Variants in THAP4 observed in about 807,000 individuals in gnomAD.
The protein encoded by THAP4 is THAP domain containing 4.
THAP4 carries 18 observed loss-of-function variants against 48.1 expected under a neutral mutation model. The ratio of observed to expected loss-of-function variants is 0.37; its 90% CI spans 0.26 to 0.56. The LOEUF is 0.56. Ranked by LOEUF, THAP4 falls within the 20% of genes least tolerant of loss-of-function variation. The probability of loss-of-function intolerance (pLI) is 0.78; values close to 1 mark genes in which losing one functional copy is unlikely to be tolerated. For missense variants in THAP4, 656 were observed against 774.9 expected, an observed-to-expected ratio of 0.85 and a Z score of 1.82; for synonymous variants, 345 against 324.9, an observed-to-expected ratio of 1.06 and a Z score of -0.66.
chr2:241,637,529 C>A (rs974584783), upstream of THAP4: 4 of 1,443,310 alleles, frequency 2.8e-6, no homozygotes, highest in African/African-American at 4.5e-5. Flanking sequence ...CAGGGCGCCC[C>A]GGGGCTCGCG....
intron 5 of THAP4, among the ~76,000 whole-genome samples, chr2:241,599,586 A>C (rs1483591068): frequency 6.6e-6 from 1 of 152,230 alleles, no homozygotes; most frequent in East Asian, 1.9e-4. Context: ...TATAATTAAA[A>C]CTATAAAGAA....
chr2:241,634,190 C>T (rs2067608142), intron 1 of THAP4, 111 bp from the exon 2 acceptor site: 1 of 725,008 alleles, frequency 1.4e-6, no homozygotes, highest in South Asian at 2.0e-5. Flanking sequence ...GCCGTATTGA[C>T]TTCATCCACT....
chr2:241,634,992 G>C (rs939656193), intron 1 of THAP4, among the ~76,000 whole-genome samples: 4 of 152,250 alleles, frequency 2.6e-5, no homozygotes, highest in African/African-American at 9.6e-5. Flanking sequence ...CTAGGGAGAG[G>C]AGGACTGGGG....
At chr2:241,604,540 T>G (rs1165807159) in intron 3 of THAP4, among the ~76,000 whole-genome samples, 5 of 151,510 alleles carry the variant, frequency 3.3e-5, no homozygotes, top group Admixed American at 3.3e-4. Context: ...TGTGAGCCAC[T>G]GTGCCCAGCC....
intron 1 of THAP4, among the ~76,000 whole-genome samples, chr2:241,635,080 C>A (rs1357146854): frequency 6.6e-6 from 1 of 152,196 alleles, no homozygotes; most frequent in African/African-American, 2.4e-5. Context: ...GTGACAGCTG[C>A]ACAACAACGT....
rs1230149868 is a variant in THAP4 at position 241,601,052 on chromosome 2, G to A, written c.1614+844C>T. Among the ~76,000 whole-genome samples, 1 of 152,128 alleles carries A rather than the reference G, an allele frequency of 6.6e-6. No homozygotes were observed. The highest frequency in any genetic ancestry group is 1.9e-4 in the East Asian group (1 of 5,204). On this transcript the variant is annotated intron_variant, in intron 5 of 5. Transcript: ENST00000407315. The surrounding 1 kb of genome is among the most constrained non-coding windows in gnomAD (Gnocchi z 4.0). ...CCAGCACTTTGGGAGGCTGAGGCGGGTGGATCACCTGAAGTCAGGAATTCA... is the reference window on the plus strand; with the variant it reads ...CCAGCACTTTGGGAGGCTGAGGCGGATGGATCACCTGAAGTCAGGAATTCA...
rs200859080 is a variant in THAP4, at chr2:241,590,210, G to C, written c.1615-5485C>G. ...GATAATGGGCACTAGGACACACAGA[G>C]CTGCTCGGCTGATGATAATGGGCAC... On this transcript the variant is annotated intron_variant, in intron 5 of 5. Coordinates refer to ENST00000407315, the MANE Select transcript of THAP4 (RefSeq NM_015963.6). Among the ~76,000 whole-genome samples the C allele has an allele frequency of 4.1e-5, 6 of 146,798 alleles. No individual in the cohort carries two copies. The South Asian group carries it at 1.3e-3, about 33-fold the overall frequency.
intron 4 of THAP4, among the ~76,000 whole-genome samples, chr2:241,602,552 G>A (rs2067128352): frequency 6.6e-6 from 1 of 152,092 alleles, no homozygotes; most frequent in Non-Finnish European, 1.5e-5. Flanking sequence ...TTTTAGTAGA[G>A]ACGGGATTTC....
intron 2 of THAP4, among the ~76,000 whole-genome samples, chr2:241,632,562 C>G (rs1344156172): frequency 6.6e-6 from 1 of 152,246 alleles, no homozygotes; most frequent in Non-Finnish European, 1.5e-5. Flanking sequence ...TATTTTCCAT[C>G]TAGTTCCTAA....
rs376078683 is a variant in THAP4 at position 241,616,541 on chromosome 2, C to T, written c.1241-10068G>A. On this transcript the variant is annotated intron_variant, in intron 2 of 5. Coordinates refer to ENST00000407315, the MANE Select transcript of THAP4 (RefSeq NM_015963.6). This position sits in a 1 kb window ranked among gnomAD's most constrained non-coding sequence, Gnocchi z 4.6. The stretch of plus-strand genomic sequence containing the variant: ...CATGCCAGGTCAGGGAAGCAAGTCC[C>T]GCGGGCCCTGGAGAGAAGCTACCCT... Among the ~76,000 whole-genome samples, 4 of 152,130 alleles carry T rather than the reference C, an allele frequency of 2.6e-5. No homozygotes were observed. Among genetic ancestry groups the T allele is most frequent in the Admixed American group, 2.0e-4 (3 of 15,262 alleles).
intron 5 of THAP4, among the ~76,000 whole-genome samples, chr2:241,590,999 A>G: frequency 6.9e-6 from 1 of 144,480 alleles, no homozygotes; most frequent in Non-Finnish European, 1.5e-5. Context: ...TGCTCGGCTG[A>G]CAATAATGGG....
At chr2:241,603,150 G>C (rs1045242319) in intron 3 of THAP4, 71 bp from the exon 4 acceptor site, 51 of 1,271,744 alleles carry the variant, frequency 4.0e-5, no homozygotes, top group Non-Finnish European at 5.8e-5. Flanking sequence ...GTGGATGCCA[G>C]AACTGTCCAG....
intron 2 of THAP4, among the ~76,000 whole-genome samples, chr2:241,632,555 T>C (rs1406246977): frequency 6.6e-6 from 1 of 152,250 alleles, no homozygotes; most frequent in Non-Finnish European, 1.5e-5. Context: ...ACTCTCTTAT[T>C]TTCCATCTAG....
chr2:241,624,761 G>A (rs1559232854), intron 2 of THAP4, among the ~76,000 whole-genome samples: 1 of 152,202 alleles, frequency 6.6e-6, no homozygotes, highest in Non-Finnish European at 1.5e-5. Flanking sequence ...CCTAGCTTCT[G>A]TTTATGGCTT....
intron 2 of THAP4, among the ~76,000 whole-genome samples, chr2:241,614,611 C>T (rs867431653): frequency 6.6e-6 from 1 of 152,124 alleles, no homozygotes; most frequent in Non-Finnish European, 1.5e-5. Context: ...TACCGCCGGG[C>T]GCAGTGGCTC....
chr2:241,634,554 G>A (rs2067613406), intron 1 of THAP4, among the ~76,000 whole-genome samples: 1 of 152,242 alleles, frequency 6.6e-6, no homozygotes, highest in Non-Finnish European at 1.5e-5. Flanking sequence ...AGCCCTGGCT[G>A]TGCGCAAGCA....
At chr2:241,625,559 G>A (rs1302282472) in intron 2 of THAP4, among the ~76,000 whole-genome samples, 1 of 150,546 alleles carries the variant, frequency 6.6e-6, no homozygotes, top group Non-Finnish European at 1.5e-5. Context: ...CATTTTGGGA[G>A]GGTGAGGCAG....
At position 241,601,871 on chromosome 2, in the gene THAP4, G is replaced by A. The variant is rs369802259; in HGVS notation, c.1614+25C>T. On this transcript the variant is annotated intron_variant, in intron 5 of 5. Coordinates refer to ENST00000407315, the MANE Select transcript of THAP4 (RefSeq NM_015963.6). The surrounding 1 kb of genome is among the most constrained non-coding windows in gnomAD (Gnocchi z 4.0). Reference sequence around the variant, plus strand: ...ACCGCTGCAAACAGAAGACAGGAGCGTGCTGGGAGCAGGGCTGGGCTCACC... The same window carrying A: ...ACCGCTGCAAACAGAAGACAGGAGCATGCTGGGAGCAGGGCTGGGCTCACC... The A allele has an allele frequency of 6.0e-5, 97 of 1,613,238 alleles. No individual in the cohort carries two copies. In the African/African-American group the frequency reaches 8.4e-4, roughly 14 times the overall value.
At chr2:241,636,730 G>A (rs1168805497) in intron 1 of THAP4, among the ~76,000 whole-genome samples, 1 of 151,554 alleles carries the variant, frequency 6.6e-6, no homozygotes, top group Admixed American at 6.6e-5. Flanking sequence ...GCGGACCCAG[G>A]CGGCCGGGGT....
Sources: allele counts gnomAD v4.1 joint callset (sites outside exome capture counted in the v4.1 genomes callset), GRCh38; gene constraint gnomAD v4.1.1; non-coding constraint Gnocchi (gnomAD v3.1); transcripts MANE v1.5; gene names NCBI Gene and HGNC (gene_info 2026-07-23, HGNC 2026-07-21).